PCDH7: variants seen among roughly 807,000 people sequenced by gnomAD.
The protein encoded by PCDH7 is protocadherin-7.
Under a neutral mutation model 58.9 loss-of-function variants are expected in PCDH7, and 17 were observed. That is an observed-to-expected ratio of 0.29 (90% CI 0.20 to 0.43). The LOEUF is 0.43. Ranked by LOEUF, PCDH7 falls within the 20% of genes least tolerant of loss-of-function variation. The pLI, the probability that PCDH7 is intolerant of heterozygous loss-of-function variation, is 1.00. For synonymous variants in PCDH7, 664 were observed against 616.4 expected (o/e 1.08, Z -1.14); for missense variants, 1,274 against 1,441.0 (o/e 0.88, Z 1.88).
intron 1 of PCDH7, among the ~76,000 whole-genome samples, chr4:30,824,877 C>T (rs1157846938): frequency 2.0e-5 from 3 of 151,956 alleles, no homozygotes; most frequent in African/African-American, 7.2e-5. Context: ...ATAATTCTTG[C>T]AGTAGATGGT....
At chr4:30,792,956 A>G (rs1724323449) in intron 1 of PCDH7, among the ~76,000 whole-genome samples, 1 of 152,198 alleles carries the variant, frequency 6.6e-6, no homozygotes, top group Non-Finnish European at 1.5e-5. Flanking sequence ...ATTACATAAA[A>G]AAGTATGCCA....
intron 3 of PCDH7, among the ~76,000 whole-genome samples, chr4:31,007,873 G>A (rs535811581): frequency 2.6e-5 from 4 of 152,228 alleles, no homozygotes; most frequent in African/African-American, 9.6e-5. Context: ...TCATTGAAAA[G>A]TGAATTACAG....
intron 3 of PCDH7, among the ~76,000 whole-genome samples, chr4:31,093,909 G>A (rs551943288): frequency 6.6e-6 from 1 of 152,180 alleles, no homozygotes; most frequent in Admixed American, 6.6e-5. Flanking sequence ...TCAGTGTAGT[G>A]TGAGTGTTTC....
At chr4:30,844,557 A>C (rs1731661302) in intron 1 of PCDH7, among the ~76,000 whole-genome samples, 1 of 152,114 alleles carries the variant, frequency 6.6e-6, no homozygotes, top group African/African-American at 2.4e-5. Context: ...AGTCATTTCT[A>C]AGGTAGGTAC....
At chr4:31,097,635 T>TATATATATAA (rs1560221934) in intron 3 of PCDH7, among the ~76,000 whole-genome samples, 4 of 45,698 alleles carry the variant, frequency 8.8e-5, no homozygotes, top group Non-Finnish European at 1.5e-4. Flanking sequence ...TATATATATA[T>TATATATATAA]ATAAATCTTT....
At chr4:31,076,527 T>C (rs150165745) in intron 3 of PCDH7, among the ~76,000 whole-genome samples, 54 of 152,298 alleles carry the variant, frequency 3.5e-4, no homozygotes, top group African/African-American at 1.2e-3. Flanking sequence ...TGAAGCTTTC[T>C]CATCTAATTT....
intron 1 of PCDH7, among the ~76,000 whole-genome samples, chr4:30,898,834 G>A (rs535127571): frequency 8.9e-4 from 136 of 152,152 alleles, no homozygotes; most frequent in Non-Finnish European, 2.6e-4. Flanking sequence ...CTCGTGATCC[G>A]CCCGCCTCGG....
intron 3 of PCDH7, among the ~76,000 whole-genome samples, chr4:31,030,694 A>C (rs1198006155): frequency 6.6e-6 from 1 of 152,206 alleles, no homozygotes; most frequent in Non-Finnish European, 1.5e-5. Context: ...TTTATCTGCA[A>C]AAGAAAAGAC....
intron 1 of PCDH7, among the ~76,000 whole-genome samples, chr4:30,805,768 T>C (rs969394572): frequency 6.6e-6 from 1 of 152,190 alleles, no homozygotes; most frequent in Non-Finnish European, 1.5e-5. Flanking sequence ...ATACCAAATC[T>C]GACCACTGTT....
chr4:30,998,569 T>TG (rs1482757456), intron 3 of PCDH7, among the ~76,000 whole-genome samples: 2 of 152,118 alleles, frequency 1.3e-5, no homozygotes, highest in African/African-American at 2.4e-5. Flanking sequence ...ATGCCAATTT[T>TG]TATGGGGCGT....
intron 1 of PCDH7, among the ~76,000 whole-genome samples, chr4:30,815,440 T>A (rs928997074): frequency 3.3e-5 from 5 of 152,184 alleles, no homozygotes; most frequent in Admixed American, 6.5e-5. Context: ...TAGATCCAAG[T>A]GCTCCATCCG....
At chr4:31,016,745 TAC>T (rs1753633593) in intron 3 of PCDH7, among the ~76,000 whole-genome samples, 1 of 152,128 alleles carries the variant, frequency 6.6e-6, no homozygotes, top group Non-Finnish European at 1.5e-5. Context: ...GCTGTCTCAA[TAC>T]AGTGTCTCAA....
At chr4:30,785,469 G>A (rs1190385046) in intron 1 of PCDH7, among the ~76,000 whole-genome samples, 2 of 151,934 alleles carry the variant, frequency 1.3e-5, no homozygotes, top group Admixed American at 6.6e-5. Flanking sequence ...AATTTTTAAA[G>A]CTATTGCTAG....
At chr4:30,896,651 G>A (rs1325232144) in intron 1 of PCDH7, among the ~76,000 whole-genome samples, 1 of 151,816 alleles carries the variant, frequency 6.6e-6, no homozygotes, top group Non-Finnish European at 1.5e-5. Context: ...AAATTTTAAG[G>A]AGGAAGTGGA....
intron 3 of PCDH7, among the ~76,000 whole-genome samples, chr4:31,122,446 T>C (rs906705982): frequency 6.6e-6 from 1 of 152,198 alleles, no homozygotes; most frequent in African/African-American, 2.4e-5. Context: ...TTTAATTCTC[T>C]TGCTTTTGCA....
At chr4:31,051,138 T>C (rs1756699236) in intron 3 of PCDH7, among the ~76,000 whole-genome samples, 1 of 152,156 alleles carries the variant, frequency 6.6e-6, no homozygotes, top group South Asian at 2.1e-4. Flanking sequence ...AGCCACTCTT[T>C]GTTTAAGGTC....
intron 1 of PCDH7, among the ~76,000 whole-genome samples, chr4:30,880,838 G>A (rs6811465): frequency 0.37 from 56,018 of 152,008 alleles, 10,771 homozygotes; most frequent in African/African-American, 0.44. Flanking sequence ...ATTGATTGGC[G>A]TACTTAAATG....
In PCDH7 at chr4:30,978,356, T is replaced by G. The variant is rs563889157; in HGVS notation, c.*7+28141T>G. 7.4e-4 allele frequency among the ~76,000 whole-genome samples: 112 copies of G among 152,312 alleles called. 1 individual carries two copies. Among genetic ancestry groups the G allele is most frequent in the African/African-American group, 2.5e-3 (106 of 41,574 alleles). On this transcript the variant is annotated intron_variant, in intron 3 of 3. Coordinates refer to the PCDH7 transcript ENST00000509759. Reference sequence around the variant, plus strand: ...GTCACTAATTATTTTCTAAATACTATTTCCACACTGAAATTCCACTTTAAG... The same window carrying G: ...GTCACTAATTATTTTCTAAATACTAGTTCCACACTGAAATTCCACTTTAAG...
At chr4:31,023,718 A>C (rs1227353589) in intron 3 of PCDH7, among the ~76,000 whole-genome samples, 1 of 152,078 alleles carries the variant, frequency 6.6e-6, no homozygotes, top group Non-Finnish European at 1.5e-5. Context: ...CCTGTTTAAA[A>C]ATTTTATTTT....
Sources: gnomAD v4.1 joint callset for allele counts (sites outside exome capture counted in the v4.1 genomes callset) on GRCh38, gnomAD v4.1.1 for gene constraint, MANE v1.5 for transcripts, NCBI Gene and HGNC (gene_info 2026-07-23, HGNC 2026-07-21) for gene names.